Variants in ROBO2 observed in about 807,000 individuals in gnomAD.
The protein encoded by ROBO2 is roundabout guidance receptor 2.
ROBO2 carries 53 observed loss-of-function variants against 160.8 expected under a neutral mutation model. The ratio of observed to expected loss-of-function variants is 0.33; its 90% CI spans 0.26 to 0.41. The LOEUF (loss-of-function observed/expected upper bound fraction) is 0.41. ROBO2 is among the 10% of genes least tolerant of loss of function. The probability of loss-of-function intolerance (pLI) is 1.00; values close to 1 mark genes in which losing one functional copy is unlikely to be tolerated. For synonymous variants in ROBO2, 664 were observed against 611.7 expected (o/e 1.09, Z -1.26); for missense variants, 1,577 against 1,722.4 (o/e 0.92, Z 1.49).
At chr3:77,106,348 C>T (rs2072796537) in intron 2 of ROBO2, among the ~76,000 whole-genome samples, 1 of 152,080 alleles carries the variant, frequency 6.6e-6, no homozygotes, top group Non-Finnish European at 1.5e-5. Flanking sequence ...CGGCCTCTTA[C>T]TATAAATTTT....
intron 2 of ROBO2, among the ~76,000 whole-genome samples, chr3:76,786,383 G>A (rs1420902999): frequency 6.6e-6 from 1 of 151,268 alleles, no homozygotes; most frequent in Non-Finnish European, 1.5e-5. Context: ...GGGCTGTATA[G>A]GCTTCTGCTT....
chr3:77,244,335 A>G (rs561669680), intron 2 of ROBO2, among the ~76,000 whole-genome samples: 1 of 152,338 alleles, frequency 6.6e-6, no homozygotes, highest in South Asian at 2.1e-4. Context: ...AGGGGAAGAC[A>G]GTAGTTGTCA....
chr3:76,678,003 T>A (rs1381841055), intron 2 of ROBO2, among the ~76,000 whole-genome samples: 2 of 131,892 alleles, frequency 1.5e-5, no homozygotes, highest in African/African-American at 5.9e-5. Flanking sequence ...AGAGTCTTGC[T>A]CTTGTCACTC....
At chr3:77,430,565 A>G (rs182297253) in intron 2 of ROBO2, among the ~76,000 whole-genome samples, 2 of 152,060 alleles carry the variant, frequency 1.3e-5, no homozygotes, top group Non-Finnish European at 2.9e-5. Flanking sequence ...ATCCTAAACC[A>G]CAAAAGGATG....
intron 2 of ROBO2, among the ~76,000 whole-genome samples, chr3:77,124,636 G>A (rs2075140186): frequency 6.6e-6 from 1 of 151,960 alleles, no homozygotes; most frequent in Non-Finnish European, 1.5e-5. Context: ...AAACTTGAGG[G>A]GTCTGTTGTA....
chr3:76,956,328 C>A (rs968502844), intron 2 of ROBO2, among the ~76,000 whole-genome samples: 4 of 151,918 alleles, frequency 2.6e-5, no homozygotes, highest in African/African-American at 9.7e-5. Context: ...GAGGCCGAGG[C>A]GGGTGGATCA....
chr3:76,133,696 G>T (rs1323391358), intron 2 of ROBO2, among the ~76,000 whole-genome samples: 2 of 152,122 alleles, frequency 1.3e-5, no homozygotes, highest in African/African-American at 4.8e-5. Flanking sequence ...GTTGGAGTCT[G>T]ATGTTCGAAG....
chr3:76,812,169 A>G (rs2065246782), intron 2 of ROBO2, among the ~76,000 whole-genome samples: 1 of 151,770 alleles, frequency 6.6e-6, no homozygotes, highest in African/African-American at 2.4e-5. Flanking sequence ...CACCGTGCCC[A>G]GCCTCATTTT....
intron 2 of ROBO2, among the ~76,000 whole-genome samples, chr3:76,514,916 A>T (rs1391245158): frequency 6.6e-6 from 1 of 152,214 alleles, no homozygotes; most frequent in Non-Finnish European, 1.5e-5. Context: ...TGACACACAC[A>T]TTAGCCCTTG....
chr3:77,565,019 G>A, exon 12 of ROBO2: 1 of 1,613,700 alleles, frequency 6.2e-7, no homozygotes, highest in East Asian at 2.2e-5. Flanking sequence ...TATACTGTAA[G>A]AGGACTGCGG....
At chr3:77,471,355 C>T (rs1161106378) in intron 2 of ROBO2, among the ~76,000 whole-genome samples, 4 of 152,168 alleles carry the variant, frequency 2.6e-5, no homozygotes, top group African/African-American at 4.8e-5. Context: ...TCTAAAATCA[C>T]AGCTGGACAT....
intron 2 of ROBO2, among the ~76,000 whole-genome samples, chr3:77,375,842 C>G (rs2072563592): frequency 6.7e-6 from 1 of 149,270 alleles, no homozygotes; most frequent in Non-Finnish European, 1.5e-5. Context: ...CTTCAGCACA[C>G]ACATAGAAAA....
At chr3:76,368,604 C>T (rs1559833933) in intron 2 of ROBO2, among the ~76,000 whole-genome samples, 1 of 152,042 alleles carries the variant, frequency 6.6e-6, no homozygotes, top group East Asian at 1.9e-4. Context: ...TCTCACATGG[C>T]AGCAAAAAGC....
At chr3:77,055,108 T>G (rs2065610633) in intron 1 of ROBO2, among the ~76,000 whole-genome samples, 1 of 152,184 alleles carries the variant, frequency 6.6e-6, no homozygotes, top group Non-Finnish European at 1.5e-5. Context: ...TCTATTCATT[T>G]GGAACTCACC....
intron 2 of ROBO2, among the ~76,000 whole-genome samples, chr3:76,183,510 C>T (rs2107119356): frequency 6.6e-6 from 1 of 152,160 alleles, no homozygotes; most frequent in Non-Finnish European, 1.5e-5. Context: ...ATTAAAAATT[C>T]ACCTTCCTTA....
intron 2 of ROBO2, among the ~76,000 whole-genome samples, chr3:76,318,482 T>C (rs1286669678): frequency 1.3e-5 from 2 of 152,128 alleles, no homozygotes; most frequent in East Asian, 1.9e-4. Flanking sequence ...TACAAACATA[T>C]ACACACACAT....
intron 2 of ROBO2, among the ~76,000 whole-genome samples, chr3:76,167,421 C>G (rs1386320410): frequency 6.6e-6 from 1 of 152,280 alleles, no homozygotes; most frequent in Admixed American, 6.5e-5. Context: ...GTTAAGCCTT[C>G]CCTTGACCAT....
intron 2 of ROBO2, among the ~76,000 whole-genome samples, chr3:76,717,136 T>C (rs553406253): frequency 1.3e-5 from 2 of 152,304 alleles, no homozygotes; most frequent in East Asian, 3.9e-4. Context: ...TTTTCATTCC[T>C]AACTCTATAA....
At chr3:76,574,330 T>C (rs1256309743) in intron 2 of ROBO2, among the ~76,000 whole-genome samples, 1 of 152,118 alleles carries the variant, frequency 6.6e-6, no homozygotes, top group African/African-American at 2.4e-5. Context: ...AAAGCTCTTA[T>C]TACTTATAGT....
Sources: gnomAD v4.1 joint callset for allele counts (sites outside exome capture counted in the v4.1 genomes callset) on GRCh38, gnomAD v4.1.1 for gene constraint, MANE v1.5 for transcripts, NCBI Gene and HGNC (gene_info 2026-07-23, HGNC 2026-07-21) for gene names.